MSRB3: variants seen among roughly 807,000 people sequenced by gnomAD.
MSRB3 encodes the protein methionine sulfoxide reductase B3.
A neutral mutation model predicts 21.0 loss-of-function variants in MSRB3; 13 were observed. The observed-to-expected ratio is 0.62, with a 90% CI of 0.40 to 0.98. The LOEUF (loss-of-function observed/expected upper bound fraction) is 0.98. Ranked by LOEUF, MSRB3 falls within the 50% of genes least tolerant of loss-of-function variation. MSRB3 has a pLI of 0.00. For missense variants in MSRB3, 199 were observed against 230.3 expected (o/e 0.86, Z 0.88); for synonymous variants, 87 against 88.6 (o/e 0.98, Z 0.10).
At chr12:65,425,651 C>G (rs1881562670) in intron 5 of MSRB3, among the ~76,000 whole-genome samples, 1 of 152,118 alleles carries the variant, frequency 6.6e-6, no homozygotes, top group African/African-American at 2.4e-5. Context: ...TCACCCATCT[C>G]TCTCACATTT....
chr12:65,290,734 G>GCCCTT (rs1872622179), intron 1 of MSRB3, among the ~76,000 whole-genome samples: 1 of 152,156 alleles, frequency 6.6e-6, no homozygotes, highest in African/African-American at 2.4e-5. Flanking sequence ...TTTGGACAAT[G>GCCCTT]CCCTCCTCTT....
At chr12:65,403,061 C>T (rs1360467869) in intron 5 of MSRB3, among the ~76,000 whole-genome samples, 1 of 152,214 alleles carries the variant, frequency 6.6e-6, no homozygotes, top group Non-Finnish European at 1.5e-5. Context: ...AGAAGTGTCT[C>T]CCAGTCAGGA....
intron 5 of MSRB3, among the ~76,000 whole-genome samples, chr12:65,441,370 A>T (rs1168311492): frequency 6.6e-6 from 1 of 151,926 alleles, no homozygotes; most frequent in Non-Finnish European, 1.5e-5. Flanking sequence ...GTTGTTTGGG[A>T]TTTAGAGAAG....
chr12:65,442,292 C>T (rs1882419678), intron 5 of MSRB3, among the ~76,000 whole-genome samples: 1 of 151,916 alleles, frequency 6.6e-6, no homozygotes, highest in Non-Finnish European at 1.5e-5. Flanking sequence ...ACATTTTCAT[C>T]AGGTACATAT....
chr12:65,414,176 A>G (rs544200807), intron 5 of MSRB3, among the ~76,000 whole-genome samples: 36 of 152,326 alleles, frequency 2.4e-4, no homozygotes, highest in African/African-American at 8.4e-4. Flanking sequence ...TATGACTTCT[A>G]TCTTTAAAAG....
At chr12:65,460,364 T>C (rs1883268371) in intron 6 of MSRB3, among the ~76,000 whole-genome samples, 2 of 152,216 alleles carry the variant, frequency 1.3e-5, no homozygotes, top group African/African-American at 2.4e-5. Flanking sequence ...TCAAGGCTTG[T>C]GCGCTTTTCA....
At chr12:65,414,102 A>T (rs1325828900) in intron 5 of MSRB3, among the ~76,000 whole-genome samples, 1 of 152,190 alleles carries the variant, frequency 6.6e-6, no homozygotes, top group Non-Finnish European at 1.5e-5. Context: ...CTGTGAACAC[A>T]TTGGATTTTA....
chr12:65,284,306 A>G (rs149610948), intron 1 of MSRB3: 1 of 152,358 alleles, frequency 6.6e-6, no homozygotes, highest in Non-Finnish European at 1.5e-5. Flanking sequence ...ACCAATAAAG[A>G]AGTGTTTTGA....
intron 5 of MSRB3, among the ~76,000 whole-genome samples, chr12:65,423,805 G>C (rs953265234): frequency 1.3e-5 from 2 of 151,966 alleles, no homozygotes; most frequent in Non-Finnish European, 2.9e-5. Context: ...TTCTTTTCTT[G>C]TAATGTCTTG....
At chr12:65,326,955 A>C (rs1193108792) in intron 3 of MSRB3, 21 bp downstream of exon 3, 1 of 1,574,488 alleles carries the variant, frequency 6.4e-7, no homozygotes, top group Non-Finnish European at 8.7e-7. Context: ...CTTTAATAAA[A>C]AGTCATTAAG....
At chr12:65,427,182 C>A (rs1479387036) in intron 5 of MSRB3, among the ~76,000 whole-genome samples, 3 of 152,140 alleles carry the variant, frequency 2.0e-5, no homozygotes, top group East Asian at 3.9e-4. Context: ...TATGGGCTAG[C>A]TTTGCTGTGG....
At chr12:65,315,673 C>CAAA (rs3080853) in intron 2 of MSRB3, among the ~76,000 whole-genome samples, 2 of 82,366 alleles carry the variant, frequency 2.4e-5, no homozygotes, top group Non-Finnish European at 5.4e-5. Flanking sequence ...GTCTCCATCT[C>CAAA]AAAAAAAAAA....
At chr12:65,440,640 G>C (rs900527653) in intron 5 of MSRB3, among the ~76,000 whole-genome samples, 1 of 151,774 alleles carries the variant, frequency 6.6e-6, no homozygotes, top group Admixed American at 6.6e-5. Flanking sequence ...GCTGACTAAG[G>C]CTTCCAAACT....
At chr12:65,351,099 T>C (rs1876951539) in intron 4 of MSRB3, among the ~76,000 whole-genome samples, 1 of 151,970 alleles carries the variant, frequency 6.6e-6, no homozygotes, top group African/African-American at 2.4e-5. Flanking sequence ...GGACAGAAAT[T>C]ATAACAAACT....
intron 5 of MSRB3, among the ~76,000 whole-genome samples, chr12:65,372,379 A>G (rs191089820): frequency 2.4e-3 from 369 of 152,366 alleles, no homozygotes; most frequent in Non-Finnish European, 4.2e-3. Context: ...GTACTGAGTA[A>G]TATACTGACT....
At chr12:65,312,185 T>A (rs1874029228) in intron 2 of MSRB3, among the ~76,000 whole-genome samples, 1 of 152,076 alleles carries the variant, frequency 6.6e-6, no homozygotes. Flanking sequence ...GATAGTATAT[T>A]TAGTTCTTAA....
At chr12:65,408,520 A>T (rs1880541488) in intron 5 of MSRB3, among the ~76,000 whole-genome samples, 1 of 152,114 alleles carries the variant, frequency 6.6e-6, no homozygotes, top group African/African-American at 2.4e-5. Flanking sequence ...GTGGCTAGAG[A>T]CTTCTTAAAT....
At chr12:65,345,903 G>A (rs1032825431) in intron 4 of MSRB3, among the ~76,000 whole-genome samples, 4 of 152,118 alleles carry the variant, frequency 2.6e-5, no homozygotes, top group Admixed American at 2.0e-4. Context: ...CCCTACAAAG[G>A]ACGTGAAATC....
At chr12:65,408,835 A>G (rs1880561438) in intron 5 of MSRB3, among the ~76,000 whole-genome samples, 1 of 152,204 alleles carries the variant, frequency 6.6e-6, no homozygotes, top group Non-Finnish European at 1.5e-5. Context: ...ATAAATGACA[A>G]ATTGATTAGG....
Sources: gnomAD v4.1 joint callset for allele counts (sites outside exome capture counted in the v4.1 genomes callset) on GRCh38, gnomAD v4.1.1 for gene constraint, MANE v1.5 for transcripts, NCBI Gene and HGNC (gene_info 2026-07-23, HGNC 2026-07-21) for gene names.